URI1: variants seen among roughly 807,000 people sequenced by gnomAD.
The protein encoded by URI1 is unconventional prefoldin RPB5 interactor 1.
In URI1, 39 loss-of-function variants were observed where a neutral mutation model predicts 60.2. The observed-to-expected ratio is 0.65, with a 90% CI of 0.50 to 0.85. The LOEUF (loss-of-function observed/expected upper bound fraction) is 0.85. Ranked by LOEUF, URI1 falls within the 40% of genes least tolerant of loss-of-function variation. URI1 has a pLI of 0.00. For missense variants in URI1, 691 were observed against 665.9 expected (o/e 1.04, Z -0.42); for synonymous variants, 251 against 236.8 (o/e 1.06, Z -0.55).
intron 1 of URI1, 103 bp downstream of exon 1, chr19:29,942,767 C>G (rs1375134455): frequency 2.5e-6 from 3 of 1,201,044 alleles, no homozygotes; most frequent in Non-Finnish European, 3.1e-6. Context: ...TGCCCGGGCC[C>G]CCGGAGGGAA....
intron 6 of URI1, 32 bp downstream of exon 6, chr19:30,005,740 T>C (rs2055934463): frequency 3.2e-6 from 5 of 1,573,504 alleles, no homozygotes; most frequent in Non-Finnish European, 3.4e-6. Flanking sequence ...TGTGTAGCTG[T>C]TTAGATATTT....
At chr19:29,955,811 A>C (rs1235975227) in intron 1 of URI1, among the ~76,000 whole-genome samples, 1 of 151,806 alleles carries the variant, frequency 6.6e-6, no homozygotes, top group Non-Finnish European at 1.5e-5. Flanking sequence ...GGCAGGTCTC[A>C]AACTCCTGAC....
chr19:29,983,188 G>A (rs1273604167), intron 2 of URI1: 1 of 152,132 alleles, frequency 6.6e-6, no homozygotes, highest in Non-Finnish European at 1.5e-5. Context: ...TAGAAAATGA[G>A]AAAGCTTTCA....
At chr19:29,938,611 G>C (rs1568404419), upstream of URI1, among the ~76,000 whole-genome samples, 1 of 152,140 alleles carries the variant, frequency 6.6e-6, no homozygotes, top group Non-Finnish European at 1.5e-5. Flanking sequence ...TTCCCAGTGG[G>C]GGGCCTGGCA....
intron 1 of URI1, among the ~76,000 whole-genome samples, chr19:29,963,732 A>C (rs938309764): frequency 2.6e-5 from 4 of 152,108 alleles, no homozygotes; most frequent in Non-Finnish European, 4.4e-5. Context: ...CCTTTCTTCT[A>C]CTGAAGCAGA....
chr19:29,942,261 C>G lies in URI1; in HGVS notation c.-287C>G, dbSNP rs909188176. ...GGCGTGTGGGGAGGCGCGGCCGCCA[C>G]GCGACGCCTGGCTGGGCCCGCACCG... On this transcript the variant is annotated 5_prime_UTR_variant, in exon 1 of 11. Coordinates refer to ENST00000392271, the MANE Select transcript of URI1 (RefSeq NM_003796.3). 5 of 984,526 alleles carry G rather than the reference C, an allele frequency of 5.1e-6. No individual in the cohort carries two copies. Among genetic ancestry groups the G allele is most frequent in the Non-Finnish European group, 6.0e-6 (5 of 829,628 alleles). 61.0% of individuals were successfully genotyped at this position (984,526 alleles called of 1,614,324 possible). A position where few individuals can be genotyped will look rare whatever the true frequency, so the allele number is the denominator to read the frequency against.
rs541055200 is a variant in URI1 at position 29,986,738 on chromosome 19, TA to T, written c.367+322del. On this transcript the variant is annotated intron_variant, in intron 4 of 10. Coordinates refer to ENST00000392271, the MANE Select transcript of URI1 (RefSeq NM_003796.3). Reference sequence around the variant, plus strand: ...CATTTTATACCTTATAATTTTTTTTTAGTTGCTATTATAGACTTATTTTTGC... The same window carrying T: ...CATTTTATACCTTATAATTTTTTTTTGTTGCTATTATAGACTTATTTTTGC... 3.3e-3 allele frequency among the ~76,000 whole-genome samples: 510 copies of T among 152,350 alleles called. 4 individuals are homozygous for T. The highest frequency in any genetic ancestry group is 0.012 in the African/African-American group (495 of 41,578).
intron 1 of URI1, among the ~76,000 whole-genome samples, chr19:29,925,333 G>A (rs886665525): frequency 3.9e-5 from 6 of 152,192 alleles, no homozygotes; most frequent in Non-Finnish European, 8.8e-5. Flanking sequence ...CCTGGGTCCG[G>A]TACTTGGCAT....
intron 2 of URI1, among the ~76,000 whole-genome samples, chr19:29,982,384 A>G (rs1236367719): frequency 6.7e-6 from 1 of 150,372 alleles, no homozygotes; most frequent in Non-Finnish European, 1.5e-5. Flanking sequence ...TTAATGTACA[A>G]AATAGATGTT....
intron 2 of URI1, among the ~76,000 whole-genome samples, chr19:29,973,936 G>A (rs914846636): frequency 6.6e-6 from 1 of 151,986 alleles, no homozygotes; most frequent in Admixed American, 6.6e-5. Flanking sequence ...AGGAAATAAG[G>A]TATTATGAAA....
At chr19:29,964,407 AT>A (rs1400771335) in intron 1 of URI1, among the ~76,000 whole-genome samples, 1 of 145,006 alleles carries the variant, frequency 6.9e-6, no homozygotes, top group Non-Finnish European at 1.5e-5. Context: ...GTGATTTGAG[AT>A]TTTTACTACA....
rs565471979 is a variant in URI1 at position 29,999,959 on chromosome 19, A to C, written c.368-5402A>C. Reference sequence around the variant, plus strand: ...TTATTCATATTTTCCAGTGGTTGGCATATCCTGTTTTTGTTTACTTCTTTT... The same window carrying C: ...TTATTCATATTTTCCAGTGGTTGGCCTATCCTGTTTTTGTTTACTTCTTTT... On this transcript the variant is annotated intron_variant, in intron 4 of 10. Transcript: ENST00000392271. Among the ~76,000 whole-genome samples, 271 of 141,182 alleles carry C rather than the reference A, an allele frequency of 1.9e-3. 1 individual carries two copies. Among genetic ancestry groups the C allele is most frequent in the Non-Finnish European group, 3.5e-3 (227 of 65,214 alleles). 92.6% of individuals were successfully genotyped at this position (141,182 alleles called of 152,430 possible).
In URI1 at chr19:30,008,996, C is replaced by T; in HGVS notation, c.687-9C>T. 1 of 1,562,222 alleles carries T rather than the reference C, an allele frequency of 6.4e-7. No homozygotes were observed. Among genetic ancestry groups the T allele is most frequent in the Non-Finnish European group, 8.7e-7 (1 of 1,151,258 alleles). The stretch of plus-strand genomic sequence containing the variant: ...TTTGTTTGATCTTGTTAATTTTCTT[C>T]CTTGCTAGTAAGCCTGATACTGTGA... On this transcript the variant is annotated splice_polypyrimidine_tract_variant and intron_variant, in intron 7 of 10. Coordinates refer to ENST00000392271, the MANE Select transcript of URI1 (RefSeq NM_003796.3).
chr19:29,988,307 A>G (rs1376282493), intron 4 of URI1, among the ~76,000 whole-genome samples: 2 of 152,238 alleles, frequency 1.3e-5, no homozygotes, highest in Non-Finnish European at 2.9e-5. Context: ...CAGAGGAAAT[A>G]TAACCAGTTA....
Position 29,986,548 on chromosome 19 carries a change from G to A in URI1, c.367+131G>A, listed in dbSNP as rs998344048. The A allele has an allele frequency of 2.5e-6, 3 of 1,178,782 alleles. No homozygotes were observed. The African/African-American group carries it at 4.9e-5, about 19-fold the overall frequency. 73.0% of individuals were successfully genotyped at this position (1,178,782 alleles called of 1,614,324 possible). A position where few individuals can be genotyped will look rare whatever the true frequency, so the allele number is the denominator to read the frequency against. On this transcript the variant is annotated intron_variant, in intron 4 of 10. Coordinates refer to ENST00000392271, the MANE Select transcript of URI1 (RefSeq NM_003796.3). ...AATCCAGGCTGTTTGTGATTCTGTT[G>A]AATTGTAGGTAGTTTGAGTAGAACC...
intron 10 of URI1, among the ~76,000 whole-genome samples, chr19:30,013,888 T>G (rs2056053606): frequency 6.6e-6 from 1 of 152,158 alleles, no homozygotes. Flanking sequence ...GAGATGGCTT[T>G]CTTTGTTTTT....
At chr19:30,014,405 A>G (rs984077325) in intron 10 of URI1, among the ~76,000 whole-genome samples, 7 of 152,224 alleles carry the variant, frequency 4.6e-5, no homozygotes, top group African/African-American at 1.7e-4. Context: ...CATAAACACC[A>G]CCAAAGAGAT....
At chr19:30,009,474 C>A in intron 8 of URI1, 121 bp downstream of exon 8, 1 of 990,858 alleles carries the variant, frequency 1.0e-6, no homozygotes. Context: ...ACAGGAAAAT[C>A]ATCTTTTGCC....
chr19:29,931,910 T>TTGTGTGTGTGTGTGTG (rs56181840), intron 1 of URI1, among the ~76,000 whole-genome samples: 139 of 140,080 alleles, frequency 9.9e-4, no homozygotes, highest in African/African-American at 3.0e-3. Context: ...GCTCTAACAG[T>TTGTGTGTGTGTGTGTG]TGTGTGTGTG....
Sources: allele counts gnomAD v4.1 joint callset (sites outside exome capture counted in the v4.1 genomes callset), GRCh38; gene constraint gnomAD v4.1.1; transcripts MANE v1.5; gene names NCBI Gene and HGNC (gene_info 2026-07-23, HGNC 2026-07-21).